Variants in IFT56 observed in about 807,000 individuals in gnomAD.
The protein encoded by IFT56 is intraflagellar transport 56, also known as intraflagellar transport protein 56.
At chr7:139,179,434 C>G in the IFT56 span, 1 of 625,972 alleles carries the variant, frequency 1.6e-6, no homozygotes, top group Non-Finnish European at 2.8e-6. Context: ...CAATTCTGTC[C>G]CTCACTTTTC....
the IFT56 span, among the ~76,000 whole-genome samples, chr7:139,141,997 C>T: frequency 2.0e-5 from 3 of 152,174 alleles, no homozygotes; most frequent in African/African-American, 7.2e-5. Context: ...TGGAGTGTTG[C>T]ATGGTGGATC....
At chr7:139,184,926 C>T in the IFT56 span, among the ~76,000 whole-genome samples, 4 of 151,230 alleles carry the variant, frequency 2.6e-5, no homozygotes, top group Non-Finnish European at 2.9e-5. Flanking sequence ...TGGTGGCGGG[C>T]GCCTGTAGTC....
At chr7:139,143,392 T>G in the IFT56 span, among the ~76,000 whole-genome samples, 1 of 152,182 alleles carries the variant, frequency 6.6e-6, no homozygotes, top group East Asian at 1.9e-4. Flanking sequence ...GCTAGTAGAC[T>G]GCCTAGCAAT....
chr7:139,138,814 T>C, the IFT56 span, among the ~76,000 whole-genome samples: 3 of 150,202 alleles, frequency 2.0e-5, no homozygotes, highest in Admixed American at 2.0e-4. Context: ...GGATTTACTT[T>C]TTTTTTTTTT....
chr7:139,147,219 C>T, the IFT56 span: 1 of 1,613,490 alleles, frequency 6.2e-7, no homozygotes, highest in Non-Finnish European at 8.5e-7. Context: ...TCAGTTTGGC[C>T]TCAATCCACT....
the IFT56 span, chr7:139,178,635 A>G: frequency 1.5e-5 from 23 of 1,530,166 alleles, no homozygotes; most frequent in East Asian, 9.0e-5. Context: ...GAATGATTCT[A>G]TCTAAAAACA....
At chr7:139,154,569 C>G in the IFT56 span, among the ~76,000 whole-genome samples, 11 of 152,102 alleles carry the variant, frequency 7.2e-5, no homozygotes, top group Non-Finnish European at 1.5e-4. Context: ...TCCAGTTATT[C>G]CAGCACCATT....
At chr7:139,179,650 C>T in the IFT56 span, 1 of 1,604,956 alleles carries the variant, frequency 6.2e-7, no homozygotes, top group Non-Finnish European at 8.5e-7. Flanking sequence ...TGCTGTGAGT[C>T]TTCTTTTTTT....
At chr7:139,186,756 T>A in the IFT56 span, among the ~76,000 whole-genome samples, 4 of 152,088 alleles carry the variant, frequency 2.6e-5, no homozygotes, top group Non-Finnish European at 5.9e-5. Flanking sequence ...ATCACAATCC[T>A]CAGTTTATCC....
At chr7:139,145,782 T>C in the IFT56 span, among the ~76,000 whole-genome samples, 3 of 151,856 alleles carry the variant, frequency 2.0e-5, no homozygotes, top group African/African-American at 7.3e-5. Flanking sequence ...CACTGCATAC[T>C]ACAAGCTACT....
chr7:139,153,130 C>T, the IFT56 span, among the ~76,000 whole-genome samples: 1 of 146,304 alleles, frequency 6.8e-6, no homozygotes, highest in South Asian at 2.1e-4. Flanking sequence ...GCCCGAGCAA[C>T]GGAGCAAGAC....
chr7:139,187,422 A>C, the IFT56 span: 1 of 1,613,982 alleles, frequency 6.2e-7, no homozygotes, highest in African/African-American at 1.3e-5. Context: ...CAGTTTTACT[A>C]TTCTGCCAAA....
chr7:139,178,156 G>A, the IFT56 span: 8 of 1,210,542 alleles, frequency 6.6e-6, no homozygotes, highest in Non-Finnish European at 8.4e-6. Context: ...TCAAACTTCA[G>A]CTAAAGAGGA....
At chr7:139,187,375 C>T in the IFT56 span, 1 of 1,608,408 alleles carries the variant, frequency 6.2e-7, no homozygotes, top group South Asian at 1.1e-5. Context: ...CTCTTTACTG[C>T]AAGTATTACC....
At chr7:139,181,544 G>A in the IFT56 span, among the ~76,000 whole-genome samples, 1 of 152,176 alleles carries the variant, frequency 6.6e-6, no homozygotes, top group Non-Finnish European at 1.5e-5. Context: ...CATAGATTGC[G>A]AGTCATCAAC....
At chr7:139,177,164 T>A in the IFT56 span, among the ~76,000 whole-genome samples, 2 of 136,720 alleles carry the variant, frequency 1.5e-5, no homozygotes, top group African/African-American at 3.0e-5. Context: ...AGAGTAAGAC[T>A]CCGTCTCAAA....
At chr7:139,146,036 A>G in the IFT56 span, among the ~76,000 whole-genome samples, 22 of 152,248 alleles carry the variant, frequency 1.4e-4, no homozygotes, top group African/African-American at 5.1e-4. Context: ...ATATGTGTAT[A>G]TTTATATTGC....
At chr7:139,157,139 C>CTTTTTTTTTT in the IFT56 span, among the ~76,000 whole-genome samples, 108 of 82,120 alleles carry the variant, frequency 1.3e-3, no homozygotes, top group Non-Finnish European at 2.0e-3. Context: ...TCTTTAATTT[C>CTTTTTTTTTT]TTTTTTTTTT....
At chr7:139,185,581 T>C in the IFT56 span, among the ~76,000 whole-genome samples, 1 of 152,066 alleles carries the variant, frequency 6.6e-6, no homozygotes, top group Non-Finnish European at 1.5e-5. Flanking sequence ...GAAGCAGAAC[T>C]CAATTATATT....
Sources: gnomAD v4.1 joint callset for allele counts (sites outside exome capture counted in the v4.1 genomes callset) on GRCh38, gnomAD v4.1.1 for gene constraint, MANE v1.5 for transcripts, NCBI Gene and HGNC (gene_info 2026-07-23, HGNC 2026-07-21) for gene names.